Variants in CUL2 observed in about 807,000 individuals in gnomAD.
The protein encoded by CUL2 is cullin 2, also known as cullin-2.
A neutral mutation model predicts 110.2 loss-of-function variants in CUL2; 22 were observed. The observed-to-expected ratio is 0.20, with a 90% CI of 0.14 to 0.28. CUL2 has a LOEUF of 0.28. Ranked by LOEUF, CUL2 falls within the 10% of genes least tolerant of loss-of-function variation. The pLI is 1.00. For missense variants in CUL2, 631 were observed against 905.5 expected, an observed-to-expected ratio of 0.70 and a Z score of 3.89; for synonymous variants, 279 against 293.2, an observed-to-expected ratio of 0.95 and a Z score of 0.49.
chr10:35,037,759 C>A (rs908320969), intron 9 of CUL2, among the ~76,000 whole-genome samples: 2 of 152,176 alleles, frequency 1.3e-5, no homozygotes, highest in African/African-American at 4.8e-5. Flanking sequence ...AGGAGAATCG[C>A]TTGAACCCAG....
intron 1 of CUL2, among the ~76,000 whole-genome samples, chr10:35,079,080 GAA>G (rs1385226298): frequency 6.6e-6 from 1 of 152,114 alleles, no homozygotes; most frequent in Non-Finnish European, 1.5e-5. Flanking sequence ...AGGAATGCCC[GAA>G]ACTATGTTTT....
At chr10:35,074,183 A>G (rs976328738) in intron 1 of CUL2, 1 of 1,535,308 alleles carries the variant, frequency 6.5e-7, no homozygotes, top group Non-Finnish European at 8.7e-7. Flanking sequence ...AGACACAAAA[A>G]TAACCTACCT....
chr10:35,028,577 A>C (rs2085390290), intron 16 of CUL2, among the ~76,000 whole-genome samples: 1 of 152,214 alleles, frequency 6.6e-6, no homozygotes, highest in South Asian at 2.1e-4. Context: ...ACTTACTCAG[A>C]ATAAGAGACA....
intron 1 of CUL2, among the ~76,000 whole-genome samples, chr10:35,111,256 A>T (rs897082949): frequency 1.7e-4 from 25 of 145,164 alleles, no homozygotes; most frequent in Middle Eastern, 3.6e-3. Flanking sequence ...TTATGAGAAG[A>T]TTTTTTTTTT....
At chr10:35,078,470 T>A (rs539572834) in intron 1 of CUL2, among the ~76,000 whole-genome samples, 2 of 146,104 alleles carry the variant, frequency 1.4e-5, no homozygotes, top group Admixed American at 1.4e-4. Context: ...TAATTTTGTA[T>A]TTTTTTTTTT....
chr10:35,042,083 G>A (rs900140522), intron 8 of CUL2, among the ~76,000 whole-genome samples: 12 of 152,108 alleles, frequency 7.9e-5, no homozygotes, highest in African/African-American at 2.7e-4. Flanking sequence ...CGCTCACTAT[G>A]TTGTGTAATC....
chr10:35,035,962 A>C (rs775827600), intron 9 of CUL2, among the ~76,000 whole-genome samples: 14 of 152,340 alleles, frequency 9.2e-5, no homozygotes, highest in Non-Finnish European at 1.9e-4. Flanking sequence ...CGTTTCATTA[A>C]AGCATCATAC....
intron 1 of CUL2, among the ~76,000 whole-genome samples, chr10:35,075,565 A>T (rs2086794582): frequency 1.3e-5 from 2 of 150,772 alleles, no homozygotes; most frequent in African/African-American, 4.9e-5. Flanking sequence ...TTTCCTTGTG[A>T]GTTCCACTCT....
At chr10:35,057,196 G>A in intron 4 of CUL2, among the ~76,000 whole-genome samples, 1 of 152,262 alleles carries the variant, frequency 6.6e-6, no homozygotes, top group African/African-American at 2.4e-5. Context: ...GTATATTCTT[G>A]AGCCAGGTAT....
intron 6 of CUL2, among the ~76,000 whole-genome samples, chr10:35,048,684 C>T (rs2134834132): frequency 6.6e-6 from 1 of 152,326 alleles, no homozygotes; most frequent in East Asian, 1.9e-4. Context: ...TATTGCCTTT[C>T]CTCTCCAGCT....
rs2084842406 is a variant in CUL2, at chr10:35,009,311, T to C, written c.*1000A>G. Reference sequence around the variant, plus strand: ...AAAAAGTATTTAGGTTATGCATTGCTAAGCACATCTGTGATTGATGAGAGT... The same window carrying C: ...AAAAAGTATTTAGGTTATGCATTGCCAAGCACATCTGTGATTGATGAGAGT... On this transcript the variant is annotated 3_prime_UTR_variant, in exon 21 of 21. Coordinates refer to ENST00000374749, the MANE Select transcript of CUL2 (RefSeq NM_003591.4). 1 of 151,702 alleles carries C rather than the reference T, an allele frequency of 6.6e-6. No homozygotes were observed. The highest frequency in any genetic ancestry group is 1.5e-5 in the Non-Finnish European group (1 of 67,958). 9.4% of individuals were successfully genotyped at this position (151,702 alleles called of 1,614,324 possible). A position where few individuals can be genotyped will look rare whatever the true frequency, so the allele number is the denominator to read the frequency against.
intron 1 of CUL2, among the ~76,000 whole-genome samples, chr10:35,117,842 G>C (rs2087627706): frequency 6.6e-6 from 1 of 152,152 alleles, no homozygotes; most frequent in South Asian, 2.1e-4. Context: ...TTTATAACAA[G>C]TATGCTCTTA....
At chr10:35,065,036 A>C (rs1754286963) in intron 2 of CUL2, among the ~76,000 whole-genome samples, 1 of 152,168 alleles carries the variant, frequency 6.6e-6, no homozygotes, top group South Asian at 2.1e-4. Context: ...ACCTTAATAA[A>C]ATTTTAAAGT....
intron 8 of CUL2, among the ~76,000 whole-genome samples, chr10:35,041,623 C>T (rs149551263): frequency 2.5e-4 from 38 of 152,306 alleles, no homozygotes; most frequent in African/African-American, 8.9e-4. Flanking sequence ...CTGCAACTTC[C>T]GCCTCTCAGG....
chr10:35,091,537 G>A (rs922388022), upstream of CUL2, among the ~76,000 whole-genome samples: 14 of 151,646 alleles, frequency 9.2e-5, no homozygotes, highest in Admixed American at 3.3e-4. Context: ...TCAAAGTGTG[G>A]TCCCCAGACC....
At chr10:35,036,109 T>A (rs2085614867) in intron 9 of CUL2, among the ~76,000 whole-genome samples, 1 of 152,182 alleles carries the variant, frequency 6.6e-6, no homozygotes, top group African/African-American at 2.4e-5. Context: ...TCATGCCTCC[T>A]TCCAATCACA....
At chr10:35,117,756 T>G (rs1278257276) in intron 1 of CUL2, among the ~76,000 whole-genome samples, 2 of 152,228 alleles carry the variant, frequency 1.3e-5, no homozygotes, top group African/African-American at 4.8e-5. Flanking sequence ...CCATGAAAGT[T>G]GTAGGCATGA....
At chr10:35,040,692 C>A (rs138217452) in intron 8 of CUL2, among the ~76,000 whole-genome samples, 179 of 152,262 alleles carry the variant, frequency 1.2e-3, no homozygotes, top group Middle Eastern at 6.8e-3. Context: ...AGGCACCAGG[C>A]TCTGCTTTTG....
intron 14 of CUL2, among the ~76,000 whole-genome samples, chr10:35,030,677 C>CT (rs2085457970): frequency 6.6e-6 from 1 of 152,178 alleles, no homozygotes; most frequent in South Asian, 2.1e-4. Context: ...ACCACCACAC[C>CT]TGGCCAACAC....
Sources: allele counts gnomAD v4.1 joint callset (sites outside exome capture counted in the v4.1 genomes callset), GRCh38; gene constraint gnomAD v4.1.1; transcripts MANE v1.5; gene names NCBI Gene and HGNC (gene_info 2026-07-23, HGNC 2026-07-21).